SEC14L1: variants seen among roughly 807,000 people sequenced by gnomAD.
SEC14L1 encodes SEC14-like protein 1.
In SEC14L1, 48 loss-of-function variants were observed where a neutral mutation model predicts 85.3. The ratio of observed to expected loss-of-function variants is 0.56; its 90% CI spans 0.45 to 0.72. SEC14L1 has a LOEUF of 0.72. SEC14L1 is among the 30% of genes least tolerant of loss of function. The probability of loss-of-function intolerance (pLI) is 0.00; values close to 1 mark genes in which losing one functional copy is unlikely to be tolerated. For synonymous variants in SEC14L1, 391 were observed against 355.5 expected, an observed-to-expected ratio of 1.10 and a Z score of -1.12; for missense variants, 682 against 921.4, an observed-to-expected ratio of 0.74 and a Z score of 3.36.
rs897879224 is a variant in SEC14L1, at chr17:77,216,640, C to T, written c.*2617C>T. The T allele has an allele frequency of 1.9e-6, 3 of 1,611,072 alleles. No individual in the cohort carries two copies. Among genetic ancestry groups the T allele is most frequent in the South Asian group, 1.1e-5 (1 of 90,992 alleles). ...TTTATAGAACTGTTTGAATTGCAGC[C>T]ATCCCCTGCCCCCTCCCAGGCTGAA... is the stretch of plus-strand genomic sequence containing the variant. On this transcript the variant is annotated 3_prime_UTR_variant, in exon 17 of 17. Coordinates refer to ENST00000436233, the MANE Select transcript of SEC14L1 (RefSeq NM_001143998.2).
chr17:77,166,311 A>C (rs1974278589), intron 3 of SEC14L1, among the ~76,000 whole-genome samples: 1 of 152,176 alleles, frequency 6.6e-6, no homozygotes. Context: ...ACAATGCTGC[A>C]AGTTGAAGAT....
chr17:77,172,314 C>T (rs1974554435), intron 3 of SEC14L1, among the ~76,000 whole-genome samples: 1 of 152,176 alleles, frequency 6.6e-6, no homozygotes, highest in Admixed American at 6.5e-5. Context: ...TGACTTCTTT[C>T]TCTTTTTCCC....
intron 5 of SEC14L1, among the ~76,000 whole-genome samples, chr17:77,191,818 T>G (rs1975555733): frequency 6.7e-6 from 1 of 148,208 alleles, no homozygotes; most frequent in Non-Finnish European, 1.5e-5. Context: ...TTTTTTGAGA[T>G]GGAGTCTCAC....
At chr17:77,124,379 A>C (rs568014564) in intron 3 of SEC14L1, among the ~76,000 whole-genome samples, 46 of 152,110 alleles carry the variant, frequency 3.0e-4, no homozygotes, top group African/African-American at 1.1e-3. Context: ...AAAAACAAAA[A>C]CCGGAAACCA....
intron 3 of SEC14L1, among the ~76,000 whole-genome samples, chr17:77,180,046 TTGTTATGTTA>T (rs67421763): frequency 0.19 from 22,541 of 120,836 alleles, 1,826 homozygotes; most frequent in Middle Eastern, 0.22. Flanking sequence ...ATGTTTTGTT[TTGTTATGTTA>T]TGTTATGTTA....
chr17:77,091,203 T>A (rs956246823), intron 2 of SEC14L1, among the ~76,000 whole-genome samples: 3 of 152,136 alleles, frequency 2.0e-5, no homozygotes, highest in Non-Finnish European at 2.9e-5. Context: ...TTCTCCTGCC[T>A]CAGCCTCCCA....
chr17:77,191,120 A>C, intron 4 of SEC14L1, 61 bp from the exon 5 acceptor site: 1 of 1,566,772 alleles, frequency 6.4e-7, no homozygotes, highest in Non-Finnish European at 8.8e-7. Context: ...AACTTATACT[A>C]TAGCTTCTGT....
intron 3 of SEC14L1, among the ~76,000 whole-genome samples, chr17:77,100,453 T>C (rs1390528423): frequency 1.6e-5 from 2 of 126,410 alleles, no homozygotes; most frequent in Non-Finnish European, 1.6e-5. Flanking sequence ...TTTTTTTTTT[T>C]TGAGACAGAG....
At chr17:77,117,524 C>T (rs929788866) in intron 3 of SEC14L1, among the ~76,000 whole-genome samples, 2 of 152,132 alleles carry the variant, frequency 1.3e-5, no homozygotes, top group Non-Finnish European at 2.9e-5. Context: ...AATCAATTGC[C>T]CTGAAGCTTT....
At chr17:77,124,002 C>T (rs917508930) in intron 3 of SEC14L1, among the ~76,000 whole-genome samples, 2 of 152,212 alleles carry the variant, frequency 1.3e-5, no homozygotes, top group African/African-American at 4.8e-5. Context: ...GCAGGAGCCA[C>T]GTCGATGGGT....
At chr17:77,098,359 C>T (rs559413775) in intron 3 of SEC14L1, among the ~76,000 whole-genome samples, 2 of 152,034 alleles carry the variant, frequency 1.3e-5, no homozygotes, top group East Asian at 3.9e-4. Flanking sequence ...ATTAGTCAGG[C>T]GTGGTGGTGC....
intron 13 of SEC14L1, 138 bp from the exon 14 acceptor site, chr17:77,209,204 A>T (rs950262853): frequency 1.0e-6 from 1 of 958,612 alleles, no homozygotes; most frequent in Non-Finnish European, 1.5e-6. Flanking sequence ...AGAGTGTTTT[A>T]CGACCCTGCC....
chr17:77,106,731 G>A (rs1046602759), intron 3 of SEC14L1, among the ~76,000 whole-genome samples: 36 of 152,002 alleles, frequency 2.4e-4, no homozygotes, highest in African/African-American at 8.7e-4. Flanking sequence ...AGCTACTCAG[G>A]AGGCTGAAGT....
chr17:77,119,215 C>T (rs1438713951), intron 3 of SEC14L1, among the ~76,000 whole-genome samples: 1 of 150,750 alleles, frequency 6.6e-6, no homozygotes, highest in Admixed American at 6.7e-5. Flanking sequence ...GGCTGAGACA[C>T]GAGAACTGCT....
rs141067621 is a variant in SEC14L1, at chr17:77,102,335, G to A, written c.-136+8988G>A. Reference sequence around the variant, plus strand: ...ATCTTCCTTGATGATTACAGTTCACGTGGGTGGCTCAGGTCCTTGGGGAAA... The same window carrying A: ...ATCTTCCTTGATGATTACAGTTCACATGGGTGGCTCAGGTCCTTGGGGAAA... On this transcript the variant is annotated intron_variant, in intron 3 of 19. Coordinates refer to the SEC14L1 transcript ENST00000392476. Among the ~76,000 whole-genome samples, 79 of 152,294 alleles carry A rather than the reference G, an allele frequency of 5.2e-4. 1 individual carries two copies. The highest frequency in any genetic ancestry group is 6.8e-3 in the Middle Eastern group (2 of 294).
intron 3 of SEC14L1, among the ~76,000 whole-genome samples, chr17:77,121,223 T>C (rs990924793): frequency 3.9e-5 from 6 of 152,186 alleles, no homozygotes; most frequent in African/African-American, 1.4e-4. Context: ...AAGAACATCC[T>C]GGCTACTGCC....
chr17:77,163,979 G>A (rs1013121869), intron 3 of SEC14L1, among the ~76,000 whole-genome samples: 3 of 152,204 alleles, frequency 2.0e-5, no homozygotes, highest in Non-Finnish European at 4.4e-5. Flanking sequence ...CCACTGAACC[G>A]CAATTTGCAA....
intron 3 of SEC14L1, among the ~76,000 whole-genome samples, chr17:77,114,524 AAAAC>A (rs769604952): frequency 3.6e-5 from 5 of 139,410 alleles, no homozygotes; most frequent in East Asian, 2.2e-4. Flanking sequence ...ACTCCATCCC[AAAAC>A]AAACAAACAA....
At chr17:77,203,683 A>G (rs756844631) in intron 10 of SEC14L1, 25 bp downstream of exon 10, 1 of 1,585,404 alleles carries the variant, frequency 6.3e-7, no homozygotes, top group East Asian at 2.3e-5. Flanking sequence ...GCGAGACTCC[A>G]GGTGCCACTG....
Sources: allele counts gnomAD v4.1 joint callset (sites outside exome capture counted in the v4.1 genomes callset), GRCh38; gene constraint gnomAD v4.1.1; transcripts MANE v1.5; gene names NCBI Gene and HGNC (gene_info 2026-07-23, HGNC 2026-07-21).